The following CNBD1 variants were observed in gnomAD, a reference collection of about 807,000 sequenced individuals.
The protein encoded by CNBD1 is cyclic nucleotide-binding domain-containing protein 1.
In CNBD1, 71 loss-of-function variants were observed where a neutral mutation model predicts 54.4. That is an observed-to-expected ratio of 1.30 (90% CI 1.08 to 1.59). The LOEUF (loss-of-function observed/expected upper bound fraction) is 1.59. CNBD1 is among the 40% of genes most tolerant of loss of function. The pLI, the probability that CNBD1 is intolerant of heterozygous loss-of-function variation, is 0.00. For synonymous variants in CNBD1, 182 were observed against 170.7 expected (o/e 1.07, Z -0.51); for missense variants, 659 against 518.0 (o/e 1.27, Z -2.64).
At chr8:87,170,727 T>G (rs929498295) in intron 4 of CNBD1, among the ~76,000 whole-genome samples, 7 of 152,202 alleles carry the variant, frequency 4.6e-5, no homozygotes, top group Admixed American at 4.6e-4. Flanking sequence ...CTTGAAGGGA[T>G]GTTGAATTTT....
At chr8:87,218,915 T>A (rs1487854468) in intron 5 of CNBD1, among the ~76,000 whole-genome samples, 2 of 151,986 alleles carry the variant, frequency 1.3e-5, no homozygotes, top group East Asian at 3.8e-4. Flanking sequence ...TTAAACAATA[T>A]TATCTGTATT....
chr8:87,262,857 T>A (rs528724421), intron 6 of CNBD1, among the ~76,000 whole-genome samples: 5 of 152,184 alleles, frequency 3.3e-5, no homozygotes, highest in Non-Finnish European at 7.4e-5. Flanking sequence ...TAACATCTAC[T>A]ATGTGTTCAT....
At chr8:87,305,433 G>C (rs1809121562) in intron 8 of CNBD1, among the ~76,000 whole-genome samples, 1 of 151,990 alleles carries the variant, frequency 6.6e-6, no homozygotes, top group African/African-American at 2.4e-5. Flanking sequence ...AACCAAAAAA[G>C]TGCCCACATA....
intron 4 of CNBD1, among the ~76,000 whole-genome samples, chr8:86,980,993 AGT>A (rs1376510833): frequency 2.0e-5 from 3 of 152,196 alleles, no homozygotes; most frequent in South Asian, 2.1e-4. Context: ...AGACTTTCAC[AGT>A]GTGTGTACAA....
At chr8:87,074,325 G>T (rs1015032754) in intron 4 of CNBD1, among the ~76,000 whole-genome samples, 26 of 152,140 alleles carry the variant, frequency 1.7e-4, no homozygotes, top group Admixed American at 6.5e-4. Context: ...TTGGCTGGCT[G>T]GAATTCCAAG....
At chr8:86,915,199 A>C (rs541924553) in intron 3 of CNBD1, among the ~76,000 whole-genome samples, 1 of 152,078 alleles carries the variant, frequency 6.6e-6, no homozygotes, top group East Asian at 1.9e-4. Context: ...CTGTGTGCTG[A>C]GTAGCTTCTG....
At chr8:86,919,032 A>T (rs190587452) in intron 3 of CNBD1, among the ~76,000 whole-genome samples, 5,299 of 148,752 alleles carry the variant, frequency 0.036, 138 homozygotes, top group African/African-American at 0.08. Flanking sequence ...TTTTTTTTTA[A>T]AAAAAAAGAG....
intron 8 of CNBD1, among the ~76,000 whole-genome samples, chr8:87,299,521 G>A (rs1289673387): frequency 1.3e-5 from 2 of 152,182 alleles, no homozygotes; most frequent in African/African-American, 4.8e-5. Flanking sequence ...AATGAAATAA[G>A]TCTTTGGGAA....
Position 86,990,544 on chromosome 8 carries a change from G to A in CNBD1, c.431+50790G>A, listed in dbSNP as rs143342425. On this transcript the variant is annotated intron_variant, in intron 4 of 10. Transcript: ENST00000518476. The stretch of plus-strand genomic sequence containing the variant: ...CTGGGTTGTCTATTCTGTTTCATTG[G>A]TCTATGTGTCTGCTTTTATGCCAGT... Among the ~76,000 whole-genome samples the A allele has an allele frequency of 9.0e-3, 1,375 of 152,152 alleles. 19 individuals are homozygous for A. Among genetic ancestry groups the A allele is most frequent in the Middle Eastern group, 0.037 (11 of 294 alleles).
At chr8:87,088,579 T>A (rs1016225025) in intron 4 of CNBD1, among the ~76,000 whole-genome samples, 1 of 152,148 alleles carries the variant, frequency 6.6e-6, no homozygotes, top group Non-Finnish European at 1.5e-5. Flanking sequence ...CACAATGAAA[T>A]TGTTTTACAT....
At chr8:87,023,167 A>G (rs546398511) in intron 4 of CNBD1, among the ~76,000 whole-genome samples, 49 of 152,310 alleles carry the variant, frequency 3.2e-4, no homozygotes, top group African/African-American at 1.2e-3. Context: ...ACTAATGTTC[A>G]TGACTTCATT....
intron 4 of CNBD1, among the ~76,000 whole-genome samples, chr8:87,194,316 G>A (rs556939426): frequency 1.3e-5 from 2 of 152,316 alleles, no homozygotes; most frequent in South Asian, 4.1e-4. Flanking sequence ...GGGGAACAAT[G>A]TTTAAGAAGG....
chr8:87,240,992 G>C (rs1392409903), intron 6 of CNBD1, among the ~76,000 whole-genome samples: 1 of 152,052 alleles, frequency 6.6e-6, no homozygotes. Flanking sequence ...TGATGGGCTA[G>C]GGAAAGTTTC....
intron 2 of CNBD1, among the ~76,000 whole-genome samples, chr8:87,406,260 G>T (rs1205495119): frequency 6.6e-6 from 1 of 151,906 alleles, no homozygotes; most frequent in Non-Finnish European, 1.5e-5. Context: ...AACATCTGTA[G>T]TATGATATTA....
chr8:87,093,184 G>T (rs1034956951), intron 4 of CNBD1, among the ~76,000 whole-genome samples: 1 of 152,180 alleles, frequency 6.6e-6, no homozygotes, highest in South Asian at 2.1e-4. Context: ...TGCAGGAAAT[G>T]CAATAAAGGA....
intron 8 of CNBD1, among the ~76,000 whole-genome samples, chr8:87,316,204 A>G (rs1809381560): frequency 1.3e-5 from 2 of 152,028 alleles, no homozygotes; most frequent in Admixed American, 1.3e-4. Context: ...TAAAAAAGAA[A>G]TTGTTTTGTC....
chr8:87,004,684 C>G (rs1388328217), intron 4 of CNBD1, among the ~76,000 whole-genome samples: 4 of 152,018 alleles, frequency 2.6e-5, no homozygotes, highest in Non-Finnish European at 5.9e-5. Flanking sequence ...GATACGCTAT[C>G]TAGGAGTTGT....
chr8:87,379,305 A>C (rs1811023229), intron 10 of CNBD1, among the ~76,000 whole-genome samples: 1 of 151,960 alleles, frequency 6.6e-6, no homozygotes, highest in Non-Finnish European at 1.5e-5. Flanking sequence ...CCCCACTGTC[A>C]ACATTAGACA....
At chr8:87,390,848 C>T (rs1177042153) in intron 2 of CNBD1, among the ~76,000 whole-genome samples, 1 of 152,082 alleles carries the variant, frequency 6.6e-6, no homozygotes, top group Non-Finnish European at 1.5e-5. Context: ...ACCCAAATGT[C>T]CAACAATGAT....
Sources: allele counts gnomAD v4.1 joint callset (sites outside exome capture counted in the v4.1 genomes callset), GRCh38; gene constraint gnomAD v4.1.1; transcripts MANE v1.5; gene names NCBI Gene and HGNC (gene_info 2026-07-23, HGNC 2026-07-21).